Variants in GRIN2B observed in about 807,000 individuals in gnomAD.
GRIN2B encodes glutamate ionotropic receptor NMDA type subunit 2B.
Under a neutral mutation model 114.5 loss-of-function variants are expected in GRIN2B, and 5 were observed. That is an observed-to-expected ratio of 0.04 (90% confidence interval 0.02 to 0.09). The LOEUF is 0.09. GRIN2B is among the 10% of genes least tolerant of loss of function. The pLI is 1.00. For missense variants in GRIN2B, 1,108 were observed against 1,943.5 expected (o/e 0.57, Z 8.08); for synonymous variants, 787 against 745.1 (o/e 1.06, Z -0.92).
At chr12:13,703,955 C>T (rs917687766) in intron 4 of GRIN2B, among the ~76,000 whole-genome samples, 29 of 152,298 alleles carry the variant, frequency 1.9e-4, no homozygotes, top group African/African-American at 6.5e-4. Flanking sequence ...CTCATACATT[C>T]ACTTGTCTCT....
intron 13 of GRIN2B, among the ~76,000 whole-genome samples, chr12:13,565,351 TAAATA>T (rs1164749909): frequency 6.6e-6 from 1 of 152,248 alleles, no homozygotes; most frequent in Non-Finnish European, 1.5e-5. Context: ...TAAATAGGAA[TAAATA>T]ACTCCCTTGT....
At chr12:13,631,049 A>G (rs1459161213) in intron 5 of GRIN2B, among the ~76,000 whole-genome samples, 1 of 152,164 alleles carries the variant, frequency 6.6e-6, no homozygotes, top group Non-Finnish European at 1.5e-5. Flanking sequence ...CTCCCTCACT[A>G]TCATGAGAAC....
chr12:13,737,753 C>A (rs1863211507), intron 4 of GRIN2B, among the ~76,000 whole-genome samples: 3 of 152,136 alleles, frequency 2.0e-5, no homozygotes, highest in South Asian at 4.1e-4. Context: ...GTTAAGTGTA[C>A]CTGGAGGTTC....
intron 2 of GRIN2B, among the ~76,000 whole-genome samples, chr12:13,928,272 C>T (rs980338265): frequency 1.4e-5 from 2 of 147,412 alleles, no homozygotes; most frequent in East Asian, 3.9e-4. Flanking sequence ...CATTACACTC[C>T]AGCCTGGGTG....
At chr12:13,676,106 G>T (rs1025566037) in intron 4 of GRIN2B, among the ~76,000 whole-genome samples, 1 of 152,058 alleles carries the variant, frequency 6.6e-6, no homozygotes, top group Non-Finnish European at 1.5e-5. Flanking sequence ...TTTGGTCACC[G>T]CATGTTCTCA....
At chr12:13,810,258 C>G (rs1407225610) in intron 3 of GRIN2B, among the ~76,000 whole-genome samples, 1 of 151,748 alleles carries the variant, frequency 6.6e-6, no homozygotes, top group Admixed American at 6.6e-5. Flanking sequence ...CTCTGTTGCC[C>G]AGGCTGGAGT....
At chr12:13,774,996 T>C (rs1321270611) in intron 3 of GRIN2B, among the ~76,000 whole-genome samples, 1 of 152,070 alleles carries the variant, frequency 6.6e-6, no homozygotes, top group Non-Finnish European at 1.5e-5. Flanking sequence ...ATGATGATGA[T>C]GATGATGATG....
intron 3 of GRIN2B, among the ~76,000 whole-genome samples, chr12:13,857,693 G>C (rs1017861270): frequency 6.6e-6 from 1 of 152,032 alleles, no homozygotes; most frequent in Non-Finnish European, 1.5e-5. Context: ...GTACTACACT[G>C]TCTGTTGACT....
chr12:13,663,859 A>T (rs1949948722), intron 5 of GRIN2B, among the ~76,000 whole-genome samples: 1 of 152,288 alleles, frequency 6.6e-6, no homozygotes, highest in African/African-American at 2.4e-5. Flanking sequence ...ATTGGTTTAA[A>T]ATGTGTTCAA....
chr12:13,844,141 C>A (rs913695715), intron 3 of GRIN2B, among the ~76,000 whole-genome samples: 1 of 152,222 alleles, frequency 6.6e-6, no homozygotes, highest in African/African-American at 2.4e-5. Flanking sequence ...TGGTAAAAGG[C>A]TTTAATAGTG....
chr12:13,888,759 A>T (rs979390691), intron 2 of GRIN2B, among the ~76,000 whole-genome samples: 4 of 147,914 alleles, frequency 2.7e-5, no homozygotes, highest in Admixed American at 6.9e-5. Context: ...TATCATATAC[A>T]GTATAAAAGA....
intron 10 of GRIN2B, among the ~76,000 whole-genome samples, chr12:13,575,667 T>C (rs1156833479): frequency 6.8e-6 from 1 of 146,634 alleles, no homozygotes; most frequent in African/African-American, 2.6e-5. Context: ...TCCAAAATGA[T>C]AACAACAATA....
At position 13,936,847 on chromosome 12, in the gene GRIN2B, C is replaced by CA. The variant is rs559462537; in HGVS notation, c.-19+43080dup. On this transcript the variant is annotated intron_variant, in intron 2 of 13. Transcript: ENST00000609686. ...ATCTCAGTGGAAAAGCAGAAAATTA[C>CA]AAAAAAAAGATGCAAATAAAAGTTC... 9.8e-3 allele frequency among the ~76,000 whole-genome samples: 1,420 copies of CA among 144,934 alleles called. 5 individuals are homozygous for CA. The highest frequency in any genetic ancestry group is 0.024 in the Middle Eastern group (7 of 292).
intron 10 of GRIN2B, among the ~76,000 whole-genome samples, chr12:13,607,611 C>G (rs1949300713): frequency 6.9e-6 from 1 of 145,394 alleles, no homozygotes; most frequent in Admixed American, 7.2e-5. Context: ...TCATTCTTCT[C>G]AGACCATTTG....
At chr12:13,890,228 A>T (rs1866235993) in intron 2 of GRIN2B, among the ~76,000 whole-genome samples, 1 of 152,088 alleles carries the variant, frequency 6.6e-6, no homozygotes, top group African/African-American at 2.4e-5. Flanking sequence ...TTACAAAATC[A>T]CTGCCCCCTC....
chr12:13,547,584 A>G lies in GRIN2B; in HGVS notation c.*15199T>C, dbSNP rs1948359094. ...TTATGTAACAAAGAGAATAAAAAAG[A>G]AAGGAAAGGAGAAAACAATAATTGG... On this transcript the variant is annotated 3_prime_UTR_variant, in exon 14 of 14. Coordinates refer to ENST00000609686, the MANE Select transcript of GRIN2B (RefSeq NM_000834.5). 6.6e-6 allele frequency: 1 copy of G among 152,180 alleles called. No homozygotes were observed. The highest frequency in any genetic ancestry group is 2.1e-4 in the South Asian group (1 of 4,828). The allele number at this position is 152,180 out of a possible 1,614,324, so 9.4% of individuals were successfully genotyped here.
At chr12:13,912,533 T>C (rs1866642440) in intron 2 of GRIN2B, among the ~76,000 whole-genome samples, 1 of 152,214 alleles carries the variant, frequency 6.6e-6, no homozygotes. Context: ...TGGGCTCACT[T>C]GAGCCTCCTG....
At chr12:13,698,978 C>T (rs1219763652) in intron 4 of GRIN2B, among the ~76,000 whole-genome samples, 8 of 152,096 alleles carry the variant, frequency 5.3e-5, no homozygotes, top group Admixed American at 1.3e-4. Context: ...CCACCGCACC[C>T]GGCCAAATCA....
intron 2 of GRIN2B, among the ~76,000 whole-genome samples, chr12:13,888,301 T>A (rs1866199572): frequency 6.6e-6 from 1 of 152,262 alleles, no homozygotes; most frequent in Admixed American, 6.5e-5. Context: ...TATAGTCTAT[T>A]GCTCCTCGGC....
Sources: allele counts gnomAD v4.1 joint callset (sites outside exome capture counted in the v4.1 genomes callset), GRCh38; gene constraint gnomAD v4.1.1; transcripts MANE v1.5; gene names NCBI Gene and HGNC (gene_info 2026-07-23, HGNC 2026-07-21).